The following STARD13 variants were observed in gnomAD, a reference collection of about 807,000 sequenced individuals.
STARD13 encodes the protein StAR related lipid transfer domain containing 13, also known as stAR-related lipid transfer protein 13.
Under a neutral mutation model 106.4 loss-of-function variants are expected in STARD13, and 62 were observed. The observed-to-expected ratio is 0.58, with a 90% confidence interval of 0.48 to 0.72. STARD13 has a LOEUF of 0.72. Among genes scored for constraint, STARD13 ranks in the 30% least tolerant of loss-of-function variants. The probability of loss-of-function intolerance (pLI) is 0.00; values close to 1 mark genes in which losing one functional copy is unlikely to be tolerated. For synonymous variants in STARD13, 565 were observed against 553.0 expected (o/e 1.02, Z -0.31); for missense variants, 1,387 against 1,424.0 (o/e 0.97, Z 0.42).
the STARD13 span, among the ~76,000 whole-genome samples, chr13:33,564,063 C>A: frequency 6.9e-6 from 1 of 145,380 alleles, no homozygotes; most frequent in Admixed American, 7.1e-5. Context: ...TGGTGGTGTG[C>A]ACCTGTAATC....
chr13:33,342,039 C>T (rs1047391449), intron 1 of STARD13, among the ~76,000 whole-genome samples: 1 of 152,172 alleles, frequency 6.6e-6, no homozygotes, highest in African/African-American at 2.4e-5. Flanking sequence ...GATCTGCCCG[C>T]CACGGACAGC....
At chr13:33,674,633 G>A in the STARD13 span, among the ~76,000 whole-genome samples, 16 of 152,150 alleles carry the variant, frequency 1.1e-4, no homozygotes, top group Non-Finnish European at 2.1e-4. Context: ...GTGCAGCCAC[G>A]AGGGAAAGAC....
the STARD13 span, among the ~76,000 whole-genome samples, chr13:33,627,583 G>A: frequency 6.6e-6 from 1 of 151,626 alleles, no homozygotes; most frequent in Non-Finnish European, 1.5e-5. Context: ...GTTGCAGTGA[G>A]CTGAGACCGT....
At position 33,118,113 on chromosome 13, in the gene STARD13, G is replaced by A. The variant is rs1875669504; in HGVS notation, c.2233C>T (p.Pro745Ser). The change falls in exon 8 of 14, where the codon CCT (proline) becomes TCT (serine). Residue 745 changes from proline (P) to serine (S), a missense_variant. Transcript: ENST00000336934. The stretch of plus-strand genomic sequence containing the variant: ...TCACTGAGCTTGTTGGTGAAAAGAG[G>A]CTCAGGGAGGTCCCGGAAGAACTGT... ...VKQFFRDLPE[P>S]LFTNKLSETF... 1 of 1,614,214 alleles carries A rather than the reference G, an allele frequency of 6.2e-7. No homozygotes were observed. The highest frequency in any genetic ancestry group is 1.7e-5 in the Admixed American group (1 of 60,024).
the STARD13 span, among the ~76,000 whole-genome samples, chr13:33,665,253 C>G: frequency 6.6e-6 from 1 of 152,100 alleles, no homozygotes; most frequent in Non-Finnish European, 1.5e-5. Flanking sequence ...ACGTTTTATG[C>G]AATTTATGCA....
the STARD13 span, among the ~76,000 whole-genome samples, chr13:33,450,451 C>T: frequency 2.0e-5 from 3 of 152,086 alleles, no homozygotes; most frequent in African/African-American, 7.2e-5. Context: ...TTTTAATGTG[C>T]TGCTGAATTT....
At chr13:33,422,768 T>A in the STARD13 span, among the ~76,000 whole-genome samples, 1 of 151,934 alleles carries the variant, frequency 6.6e-6, no homozygotes, top group Non-Finnish European at 1.5e-5. Context: ...TGGAACAGAA[T>A]AGAGCCCTCA....
intron 1 of STARD13, among the ~76,000 whole-genome samples, chr13:33,277,005 T>G (rs1471265669): frequency 6.6e-6 from 1 of 151,982 alleles, no homozygotes; most frequent in African/African-American, 2.4e-5. Context: ...TTGAAGTTAT[T>G]TTCCAAGTTC....
chr13:33,387,345 A>G, the STARD13 span, among the ~76,000 whole-genome samples: 3 of 152,108 alleles, frequency 2.0e-5, no homozygotes, highest in African/African-American at 7.2e-5. Flanking sequence ...ATCTCAGGTG[A>G]AACTGACTAA....
At chr13:33,255,619 G>T (rs971604457) in intron 1 of STARD13, among the ~76,000 whole-genome samples, 1 of 152,130 alleles carries the variant, frequency 6.6e-6, no homozygotes, top group Admixed American at 6.6e-5. Context: ...TACTGAGGCT[G>T]CTAGAGACAG....
chr13:33,119,825 A>G (rs147550868), intron 7 of STARD13, among the ~76,000 whole-genome samples: 57 of 152,348 alleles, frequency 3.7e-4, no homozygotes, highest in African/African-American at 1.2e-3. Flanking sequence ...CAGTTTTGCC[A>G]TACTTAGATG....
At chr13:33,589,118 G>T in the STARD13 span, among the ~76,000 whole-genome samples, 1 of 152,174 alleles carries the variant, frequency 6.6e-6, no homozygotes, top group African/African-American at 2.4e-5. Flanking sequence ...ATGGTAGTTT[G>T]TATTTCTGTG....
upstream of STARD13, among the ~76,000 whole-genome samples, chr13:33,352,153 T>C (rs2078084830): frequency 6.6e-6 from 1 of 152,210 alleles, no homozygotes; most frequent in Non-Finnish European, 1.5e-5. Flanking sequence ...CTTGAAACTG[T>C]GACAGCCGGT....
intron 3 of STARD13, among the ~76,000 whole-genome samples, chr13:33,153,900 T>G (rs1881619697): frequency 6.6e-6 from 1 of 152,064 alleles, no homozygotes; most frequent in South Asian, 2.1e-4. Flanking sequence ...GTGTTCCGGG[T>G]GGGGCCCTCC....
At chr13:33,182,438 T>C (rs762232908) in intron 1 of STARD13, among the ~76,000 whole-genome samples, 5 of 152,218 alleles carry the variant, frequency 3.3e-5, no homozygotes, top group Non-Finnish European at 7.3e-5. Flanking sequence ...CTCAAATATA[T>C]TTCTTAAACT....
chr13:33,478,068 AT>A, the STARD13 span, among the ~76,000 whole-genome samples: 1 of 152,054 alleles, frequency 6.6e-6, no homozygotes, highest in Admixed American at 6.6e-5. Flanking sequence ...ACCAACTCCT[AT>A]TCCTTACCCC....
At chr13:33,470,632 G>C in the STARD13 span, among the ~76,000 whole-genome samples, 1 of 152,192 alleles carries the variant, frequency 6.6e-6, no homozygotes, top group Non-Finnish European at 1.5e-5. Flanking sequence ...GGCATGAGTT[G>C]CTATCTCATT....
intron 7 of STARD13, among the ~76,000 whole-genome samples, chr13:33,119,833 A>G (rs1875992307): frequency 6.6e-6 from 1 of 152,232 alleles, no homozygotes; most frequent in African/African-American, 2.4e-5. Flanking sequence ...CCATACTTAG[A>G]TGATTCGCCA....
At chr13:33,612,816 A>C in the STARD13 span, among the ~76,000 whole-genome samples, 1 of 152,240 alleles carries the variant, frequency 6.6e-6, no homozygotes, top group African/African-American at 2.4e-5. Context: ...GACTTCTCAG[A>C]GTACACAAAA....
Sources: gnomAD v4.1 joint callset for allele counts (sites outside exome capture counted in the v4.1 genomes callset) on GRCh38, gnomAD v4.1.1 for gene constraint, MANE v1.5 for transcripts, NCBI Gene and HGNC (gene_info 2026-07-23, HGNC 2026-07-21) for gene names.